FBXO25: variants seen among roughly 807,000 people sequenced by gnomAD.
FBXO25 encodes the protein F-box only protein 25.
A neutral mutation model predicts 51.9 loss-of-function variants in FBXO25; 45 were observed. That is an observed-to-expected ratio of 0.87 (90% confidence interval 0.68 to 1.11). FBXO25 has a LOEUF of 1.11. Ranked by LOEUF, FBXO25 falls within the 50% of genes most tolerant of loss-of-function variation. The pLI is 0.00. For missense variants in FBXO25, 507 were observed against 428.5 expected, an observed-to-expected ratio of 1.18 and a Z score of -1.62; for synonymous variants, 199 against 151.0, an observed-to-expected ratio of 1.32 and a Z score of -2.33.
chr8:407,954 C>G, intron 1 of FBXO25, among the ~76,000 whole-genome samples: 1 of 152,188 alleles, frequency 6.6e-6, no homozygotes, highest in East Asian at 1.9e-4. Context: ...ACCATTTCTT[C>G]CCTTATGAAG....
At position 477,143 on chromosome 8, in the gene FBXO25, AAAGAT is replaced by A. The variant is rs1390313468; in HGVS notation, c.*8341_*8345del. On this transcript the variant is annotated 3_prime_UTR_variant, in exon 10 of 10. Transcript: ENST00000350302. ...CTAGTTTCATCCCACTGTGGCCAGAAAAGATATTTTATTTCCTCAGTCTTTTGAAA... is the reference window on the plus strand; with the variant it reads ...CTAGTTTCATCCCACTGTGGCCAGAAATTTTATTTCCTCAGTCTTTTGAAA... 1 of 152,208 alleles carries A rather than the reference AAAGAT, an allele frequency of 6.6e-6. No homozygotes were observed. Among genetic ancestry groups the A allele is most frequent in the African/African-American group, 2.4e-5 (1 of 41,454 alleles). The allele number at this position is 152,208 out of a possible 1,614,324, so 9.4% of individuals were successfully genotyped here.
chr8:443,488 T>C (rs1798552199), intron 5 of FBXO25, among the ~76,000 whole-genome samples: 1 of 151,782 alleles, frequency 6.6e-6, no homozygotes, highest in Admixed American at 6.6e-5. Context: ...CTGCCAGTGC[T>C]AGAAGTCAGT....
chr8:432,680 T>C (rs1052959670), intron 3 of FBXO25, among the ~76,000 whole-genome samples: 9 of 152,212 alleles, frequency 5.9e-5, no homozygotes, highest in Admixed American at 4.6e-4. Flanking sequence ...TACTAGGACT[T>C]GGTACTGTCT....
intron 5 of FBXO25, among the ~76,000 whole-genome samples, chr8:447,176 G>A (rs1247494988): frequency 3.3e-5 from 5 of 152,136 alleles, no homozygotes; most frequent in Non-Finnish European, 4.4e-5. Flanking sequence ...GTTCCAGGGA[G>A]GACCACTGAC....
chr8:423,092 C>A (rs1797251865), intron 2 of FBXO25, among the ~76,000 whole-genome samples: 1 of 152,292 alleles, frequency 6.6e-6, no homozygotes, highest in South Asian at 2.1e-4. Flanking sequence ...AAGCCCCTTC[C>A]CTGCTGTGTT....
intron 7 of FBXO25, among the ~76,000 whole-genome samples, chr8:458,153 G>A (rs965088482): frequency 6.6e-6 from 1 of 152,220 alleles, no homozygotes; most frequent in Non-Finnish European, 1.5e-5. Context: ...GGAACAGCCT[G>A]GTTCTGTCAC....
rs959781441 is a variant in FBXO25, at chr8:476,658, C to T, written c.*7854C>T. ...TTGATATGTAATTGCTCATAGTACT[C>T]TTAATCCTTTTTATTTCTGTAAAAT... On this transcript the variant is annotated 3_prime_UTR_variant, in exon 10 of 10. Transcript: ENST00000350302. 1.3e-5 allele frequency: 2 copies of T among 152,134 alleles called. No homozygotes were observed. Among genetic ancestry groups the T allele is most frequent in the African/African-American group, 4.8e-5 (2 of 41,438 alleles). The allele number at this position is 152,134 out of a possible 1,614,324, so 9.4% of individuals were successfully genotyped here. A position where few individuals can be genotyped will look rare whatever the true frequency, so the allele number is the denominator to read the frequency against.
chr8:440,447 A>G (rs1416071447), intron 5 of FBXO25, among the ~76,000 whole-genome samples: 1 of 152,222 alleles, frequency 6.6e-6, no homozygotes, highest in East Asian at 1.9e-4. Context: ...CAATGGAGTC[A>G]AGGACAGAGA....
chr8:411,692 C>T (rs187461176), intron 1 of FBXO25, among the ~76,000 whole-genome samples: 16 of 152,250 alleles, frequency 1.1e-4, no homozygotes, highest in African/African-American at 3.6e-4. Context: ...ACACGCTAAT[C>T]ATTTCAGACA....
At chr8:463,592 C>T (rs1799957022) in intron 9 of FBXO25, among the ~76,000 whole-genome samples, 1 of 152,210 alleles carries the variant, frequency 6.6e-6, no homozygotes, top group African/African-American at 2.4e-5. Flanking sequence ...GCTTAGGCTT[C>T]ATTTCTCAAA....
chr8:411,654 C>T (rs1584994789), intron 1 of FBXO25, among the ~76,000 whole-genome samples: 1 of 152,134 alleles, frequency 6.6e-6, no homozygotes, highest in South Asian at 2.1e-4. Flanking sequence ...CAAGACATTG[C>T]ATTTTCTTGG....
chr8:464,100 C>G (rs1036008064), intron 9 of FBXO25, among the ~76,000 whole-genome samples: 6 of 152,148 alleles, frequency 3.9e-5, no homozygotes, highest in Non-Finnish European at 8.8e-5. Flanking sequence ...TCCTGAGTAG[C>G]TGGGACCAGC....
intron 9 of FBXO25, among the ~76,000 whole-genome samples, chr8:467,038 C>A (rs974943252): frequency 3.3e-5 from 5 of 152,140 alleles, no homozygotes; most frequent in African/African-American, 7.2e-5. Flanking sequence ...ACCCCACAGG[C>A]CTGTGTGGAC....
chr8:450,546 G>T (rs1289196524), intron 6 of FBXO25, among the ~76,000 whole-genome samples: 2 of 152,118 alleles, frequency 1.3e-5, no homozygotes, highest in African/African-American at 4.8e-5. Flanking sequence ...AGGAATATAT[G>T]ACTCTATATT....
chr8:451,855 G>A (rs373857014), intron 7 of FBXO25, among the ~76,000 whole-genome samples: 1 of 152,060 alleles, frequency 6.6e-6, no homozygotes, highest in Admixed American at 6.6e-5. Context: ...TCTTTTTTGG[G>A]GATGTGTTTA....
At chr8:414,341 G>C (rs984186178) in intron 2 of FBXO25, among the ~76,000 whole-genome samples, 4 of 151,986 alleles carry the variant, frequency 2.6e-5, no homozygotes, top group Admixed American at 2.0e-4. Context: ...TAATTTTTAT[G>C]GCAGTTTTTT....
chr8:471,208 G>C lies in FBXO25; in HGVS notation c.*2404G>C, dbSNP rs568928971. On this transcript the variant is annotated 3_prime_UTR_variant, in exon 10 of 10. Coordinates refer to ENST00000350302, the MANE Select transcript of FBXO25 (RefSeq NM_183420.2). ...ACTGCATGGGTCACAGCCTCCTGCAGGTGCGTTCGAGGGACAAGCTGTGGG... is the reference window on the plus strand; with the variant it reads ...ACTGCATGGGTCACAGCCTCCTGCACGTGCGTTCGAGGGACAAGCTGTGGG... The C allele has an allele frequency of 6.6e-6, 1 of 152,288 alleles. No homozygotes were observed. Among genetic ancestry groups the C allele is most frequent in the African/African-American group, 2.4e-5 (1 of 41,444 alleles). The allele number at this position is 152,288 out of a possible 1,614,324, so 9.4% of individuals were successfully genotyped here.
chr8:453,790 A>G (rs1324601524), intron 7 of FBXO25, among the ~76,000 whole-genome samples: 2 of 152,168 alleles, frequency 1.3e-5, no homozygotes, highest in African/African-American at 2.4e-5. Context: ...GTGAGCTGAC[A>G]GTTGTCTTTG....
chr8:424,627 T>C (rs993746220), intron 2 of FBXO25, among the ~76,000 whole-genome samples: 3 of 152,232 alleles, frequency 2.0e-5, no homozygotes, highest in Admixed American at 1.3e-4. Context: ...GATGGTCTTT[T>C]TCCACTGCTG....
Sources: gnomAD v4.1 joint callset for allele counts (sites outside exome capture counted in the v4.1 genomes callset) on GRCh38, gnomAD v4.1.1 for gene constraint, MANE v1.5 for transcripts, NCBI Gene and HGNC (gene_info 2026-07-23, HGNC 2026-07-21) for gene names.